The following WDR1 variants were observed in gnomAD, a reference collection of about 807,000 sequenced individuals.
WDR1 encodes WD repeat-containing protein 1.
A neutral mutation model predicts 71.9 loss-of-function variants in WDR1; 21 were observed. The ratio of observed to expected loss-of-function variants is 0.29; its 90% CI spans 0.21 to 0.42. The LOEUF (loss-of-function observed/expected upper bound fraction) is 0.42, where lower values mean the gene tolerates loss of function less well. Ranked by LOEUF, WDR1 falls within the 10% of genes least tolerant of loss-of-function variation. WDR1 has a pLI of 1.00. For synonymous variants in WDR1, 424 were observed against 347.4 expected, an observed-to-expected ratio of 1.22 and a Z score of -2.45; for missense variants, 696 against 824.5, an observed-to-expected ratio of 0.84 and a Z score of 1.91.
At chr4:10,116,029 A>T in intron 2 of WDR1, 84 bp downstream of exon 2, 1 of 1,525,750 alleles carries the variant, frequency 6.6e-7, no homozygotes, top group South Asian at 1.2e-5. Context: ...AATGGGCAGG[A>T]GGTGAGAAGT....
chr4:10,110,933 A>G (rs1713311544), intron 2 of WDR1, among the ~76,000 whole-genome samples: 1 of 152,248 alleles, frequency 6.6e-6, no homozygotes, highest in Non-Finnish European at 1.5e-5. Context: ...ACTGATTTTA[A>G]TCCTGGTCCT....
chr4:10,084,359 G>A, intron 9 of WDR1, 84 bp downstream of exon 9: 2 of 1,304,978 alleles, frequency 1.5e-6, no homozygotes, highest in South Asian at 2.5e-5. Flanking sequence ...CCACCTGGCT[G>A]GCCTGGCCTC....
In WDR1 at chr4:10,081,399, G is replaced by A. The variant is rs749211052; in HGVS notation, c.1242C>T (p.Ala414=). 1.1e-5 allele frequency: 18 copies of A among 1,613,758 alleles called. No homozygotes were observed. Among genetic ancestry groups the A allele is most frequent in the East Asian group, 4.5e-5 (2 of 44,892 alleles). ...VKLDVQPKCV[A]VGPGGYAVVV... ...CCACGGCGTATCCCCCGGGGCCGAC[G>A]GCTACGCACTTTGGCTGAACGTCCA... The change falls in exon 11 of 15, where the codon GCC becomes GCT. Residue 414 remains alanine (A), a synonymous_variant. Coordinates refer to ENST00000499869, the MANE Select transcript of WDR1 (RefSeq NM_017491.5).
chr4:10,084,790 C>T (rs984356737), intron 8 of WDR1, among the ~76,000 whole-genome samples: 30 of 152,336 alleles, frequency 2.0e-4, no homozygotes, highest in African/African-American at 6.7e-4. Context: ...CTAACCCAGA[C>T]CTGGGCCCAG....
chr4:10,116,490 G>C, intron 1 of WDR1, 161 bp downstream of exon 1: 1 of 634,654 alleles, frequency 1.6e-6, no homozygotes, highest in Non-Finnish European at 2.1e-6. Context: ...CGGGGGTCCC[G>C]CCCTGCACCA....
intron 5 of WDR1, among the ~76,000 whole-genome samples, chr4:10,090,591 A>G (rs1711904993): frequency 6.6e-6 from 1 of 152,196 alleles, no homozygotes; most frequent in Non-Finnish European, 1.5e-5. Flanking sequence ...TCCTCCAGCC[A>G]ACAACCCAAA....
intron 4 of WDR1, 92 bp downstream of exon 4, chr4:10,098,898 TAC>T (rs1035474720): frequency 5.8e-6 from 9 of 1,558,734 alleles, no homozygotes; most frequent in Non-Finnish European, 6.1e-6. Context: ...TGCAAGTTAG[TAC>T]AGACATCAGC....
intron 3 of WDR1, among the ~76,000 whole-genome samples, chr4:10,101,610 G>A (rs1023606831): frequency 2.0e-5 from 3 of 152,226 alleles, no homozygotes; most frequent in South Asian, 2.1e-4. Flanking sequence ...AGCGTCCCAC[G>A]ATGGCCACTT....
intron 14 of WDR1, chr4:10,076,463 C>A (rs1467433286): frequency 2.0e-5 from 3 of 152,300 alleles, no homozygotes; most frequent in African/African-American, 7.2e-5. Flanking sequence ...ATCTGACTAG[C>A]TCTTGCTGTA....
At chr4:10,087,143 G>T (rs923372378) in intron 8 of WDR1, among the ~76,000 whole-genome samples, 2 of 152,212 alleles carry the variant, frequency 1.3e-5, no homozygotes, top group Non-Finnish European at 2.9e-5. Flanking sequence ...ACCCATGGAT[G>T]ATTCTAACTC....
intron 2 of WDR1, among the ~76,000 whole-genome samples, chr4:10,114,156 G>A (rs976380209): frequency 6.6e-6 from 1 of 152,204 alleles, no homozygotes; most frequent in African/African-American, 2.4e-5. Flanking sequence ...ATCCAGCCCA[G>A]GGAGGGCTAT....
At chr4:10,098,867 T>G in intron 4 of WDR1, 125 bp downstream of exon 4, 1 of 1,403,348 alleles carries the variant, frequency 7.1e-7, no homozygotes, top group African/African-American at 1.4e-5. Flanking sequence ...CGGCACCTAC[T>G]GGGAGCTCAA....
intron 2 of WDR1, among the ~76,000 whole-genome samples, chr4:10,113,715 G>A (rs1225684563): frequency 6.6e-6 from 1 of 152,236 alleles, no homozygotes; most frequent in Non-Finnish European, 1.5e-5. Flanking sequence ...GAGGAAGCCA[G>A]GGAAATCTGT....
At chr4:10,101,301 C>A (rs1479825937) in intron 3 of WDR1, among the ~76,000 whole-genome samples, 1 of 152,256 alleles carries the variant, frequency 6.6e-6, no homozygotes, top group Non-Finnish European at 1.5e-5. Flanking sequence ...ACCAGTCAGA[C>A]TGACAGGGTC....
chr4:10,113,601 C>A (rs959027817), intron 2 of WDR1, among the ~76,000 whole-genome samples: 9 of 152,238 alleles, frequency 5.9e-5, no homozygotes, highest in African/African-American at 1.9e-4. Context: ...TGTGAACAGA[C>A]CCCCAGGGCA....
At chr4:10,091,809 A>G (rs1478070950) in intron 5 of WDR1, 2 of 152,262 alleles carry the variant, frequency 1.3e-5, no homozygotes, top group Non-Finnish European at 2.9e-5. Context: ...GTCAGTCCAT[A>G]GGGTCCACAT....
At chr4:10,078,140 C>T (rs563606971) in intron 12 of WDR1, among the ~76,000 whole-genome samples, 5 of 152,330 alleles carry the variant, frequency 3.3e-5, no homozygotes, top group South Asian at 4.1e-4. Flanking sequence ...CTCGGGGCAC[C>T]GCTGGTCTCA....
Position 10,077,727 on chromosome 4 carries a change from C to A in WDR1, c.1569+26G>T, listed in dbSNP as rs776311170. On this transcript the variant is annotated intron_variant, in intron 13 of 14. Transcript: ENST00000499869. The stretch of plus-strand genomic sequence containing the variant: ...CCACCTGCACCGCCCAGCACGGGGA[C>A]AGAGGAGGAGCCCGCCGCCACTCAC... The A allele has an allele frequency of 8.8e-5, 136 of 1,546,506 alleles. 4 individuals carry two copies. The Admixed American group carries it at 1.8e-3, about 20-fold the overall frequency.
chr4:10,077,696 C>A, intron 13 of WDR1, 57 bp downstream of exon 13: 1 of 1,490,078 alleles, frequency 6.7e-7, no homozygotes, highest in South Asian at 1.4e-5. Context: ...AGATAACCTC[C>A]CACTGCCACC....
Sources: gnomAD v4.1 joint callset for allele counts (sites outside exome capture counted in the v4.1 genomes callset) on GRCh38, gnomAD v4.1.1 for gene constraint, MANE v1.5 for transcripts, NCBI Gene and HGNC (gene_info 2026-07-23, HGNC 2026-07-21) for gene names.